ADAMTSL4: variants seen among roughly 807,000 people sequenced by gnomAD.
ADAMTSL4 encodes the protein ADAMTS like 4, also known as ADAMTS-like protein 4.
ADAMTSL4 carries 97 observed loss-of-function variants against 122.8 expected under a neutral mutation model. That is an observed-to-expected ratio of 0.79 (90% CI 0.67 to 0.93). ADAMTSL4 has a LOEUF of 0.93. Ranked by LOEUF, ADAMTSL4 falls within the 40% of genes least tolerant of loss-of-function variation. The pLI, the probability that ADAMTSL4 is intolerant of heterozygous loss-of-function variation, is 0.00. For missense variants in ADAMTSL4, 1,408 were observed against 1,453.5 expected (o/e 0.97, Z 0.51); for synonymous variants, 592 against 568.0 (o/e 1.04, Z -0.60).
chr1:150,555,601 G>GCCCC, intron 8 of ADAMTSL4, 36 bp downstream of exon 8: 1 of 1,565,018 alleles, frequency 6.4e-7, no homozygotes, highest in Non-Finnish European at 8.6e-7. Flanking sequence ...ACACACACAT[G>GCCCC]CATATGCACA....
Position 150,552,728 on chromosome 1 carries a change from C to A in ADAMTSL4, c.78+128C>A. On this transcript the variant is annotated intron_variant, in intron 4 of 18. Coordinates refer to ENST00000271643, the MANE Select transcript of ADAMTSL4 (RefSeq NM_019032.6). This position sits in a 1 kb window ranked among gnomAD's most constrained non-coding sequence, Gnocchi z 4.0. ...CCCACCCACCTCCCCTGCCAACTCC[C>A]CAGTTCCTTGCCTCATAACACCAAG... 1 of 1,356,194 alleles carries A rather than the reference C, an allele frequency of 7.4e-7. No homozygotes were observed. Among genetic ancestry groups the A allele is most frequent in the East Asian group, 2.5e-5 (1 of 40,560 alleles). 84.0% of individuals were successfully genotyped at this position (1,356,194 alleles called of 1,614,324 possible).
Position 150,556,168 on chromosome 1 carries a change from G to T in ADAMTSL4, c.1378G>T (p.Gly460Cys), listed in dbSNP as rs587749107. 1 of 1,614,056 alleles carries T rather than the reference G, an allele frequency of 6.2e-7. No individual in the cohort carries two copies. The highest frequency in any genetic ancestry group is 1.7e-5 in the Admixed American group (1 of 60,026). ...CTCACCTCACTCTCTCCAGAGCCCC[G>T]GCTGTGATGGGATCCTTGGCTCTGG... Reference protein sequence around the residue: ...ICVAGRCLSPGCDGILGSGRR... With the variant: ...ICVAGRCLSPCCDGILGSGRR... Residue 460 changes from glycine to cysteine, a missense_variant, in exon 9 of 19, where the codon GGC (glycine) becomes TGC (cysteine). Transcript: ENST00000271643. This position sits in a 1 kb window ranked among gnomAD's most constrained non-coding sequence, Gnocchi z 4.1.
chr1:150,553,101 C>T lies in ADAMTSL4; in HGVS notation c.282C>T (p.Ala94=). The T allele has an allele frequency of 6.2e-7, 1 of 1,613,402 alleles. No individual in the cohort carries two copies. Among genetic ancestry groups the T allele is most frequent in the Non-Finnish European group, 8.5e-7 (1 of 1,179,832 alleles). The change falls in exon 5 of 19, where the codon GCC becomes GCT. Residue 94 remains alanine, a synonymous_variant. Coordinates refer to ENST00000271643, the MANE Select transcript of ADAMTSL4 (RefSeq NM_019032.6). ...CCCGGCCCCCAAGACATCCAGAAGC[C>T]CTCCTCCCCCGGGGCCAGGGTCCCA... is the stretch of plus-strand genomic sequence containing the variant. ...LPPRPPRHPE[A]LLPRGQGPRP... is the part of the protein sequence containing the mutation.
Position 150,560,002 on chromosome 1 carries a change from TC to T in ADAMTSL4, c.3089-55del, listed in dbSNP as rs987994379. 6 of 1,613,770 alleles carry T rather than the reference TC, an allele frequency of 3.7e-6. No individual in the cohort carries two copies. In the African/African-American group the frequency reaches 6.7e-5, roughly 18 times the overall value. On this transcript the variant is annotated intron_variant, in intron 18 of 18. Transcript: ENST00000271643. ...CAGTGGGAATGGGCAGCACACCCAT[TC>T]CCAGACGGGTGGGTCCTGGTGACTC...
intron 2 of ADAMTSL4, chr1:150,550,714 T>C (rs913011832): frequency 2.2e-5 from 10 of 456,256 alleles, no homozygotes; most frequent in East Asian, 1.4e-4. Flanking sequence ...GTGGAGTTGC[T>C]GACCTTAGTG....
Position 150,549,648 on chromosome 1 carries a change from A to G in ADAMTSL4, c.-159+149A>G, listed in dbSNP as rs1210239172. 6.6e-6 allele frequency: 1 copy of G among 152,344 alleles called. No individual in the cohort carries two copies. The allele number at this position is 152,344 out of a possible 1,614,324, so 9.4% of individuals were successfully genotyped here. A position where few individuals can be genotyped will look rare whatever the true frequency, so the allele number is the denominator to read the frequency against. On this transcript the variant is annotated intron_variant, in intron 1 of 18. Transcript: ENST00000271643. This position sits in a 1 kb window ranked among gnomAD's most constrained non-coding sequence, Gnocchi z 5.0. ...CCGGACCCAGCTCCGGTGGCCTCGG[A>G]CAATCTTCCAGCCCCTGGGGTCGAA...
rs746961015 is a variant in ADAMTSL4 at position 150,556,311 on chromosome 1, A to G, written c.1521A>G (p.Pro507=). 2 of 1,614,110 alleles carry G rather than the reference A, an allele frequency of 1.2e-6. No individual in the cohort carries two copies. The highest frequency in any genetic ancestry group is 2.2e-5 in the South Asian group (2 of 91,084). The change falls in exon 9 of 19, where the codon CCA becomes CCG. Residue 507 remains proline (P), a synonymous_variant. Transcript: ENST00000271643. The surrounding 1 kb of genome is among the most constrained non-coding windows in gnomAD (Gnocchi z 4.1). ...PLGYQKILWI[P]AGALRLQIAQ... is the part of the protein sequence containing the mutation. The stretch of plus-strand genomic sequence containing the variant: ...GCTATCAGAAGATCTTGTGGATTCC[A>G]GCGGGAGCCTTGCGGCTCCAGATTG...
chr1:150,558,183 G>A, intron 14 of ADAMTSL4, 34 bp downstream of exon 14: 1 of 1,612,556 alleles, frequency 6.2e-7, no homozygotes, highest in Non-Finnish European at 8.5e-7. Flanking sequence ...TGCTGGGGAG[G>A]GGAATGGGCA....
rs1445747442 is a variant in ADAMTSL4 at position 150,554,667 on chromosome 1, G to C, written c.1234+200G>C. On this transcript the variant is annotated intron_variant, in intron 7 of 18. Transcript: ENST00000271643. The surrounding 1 kb of genome is among the most constrained non-coding windows in gnomAD (Gnocchi z 4.0). ...GTCTGCAGAAGGGTCGGGGTGGGAG[G>C]AGGAGGTGTGGGAGACACGCTTTGT... 1 of 1,536,328 alleles carries C rather than the reference G, an allele frequency of 6.5e-7. No homozygotes were observed. The highest frequency in any genetic ancestry group is 8.7e-7 in the Non-Finnish European group (1 of 1,146,170).
rs111260629 is a variant in ADAMTSL4 at position 150,554,648 on chromosome 1, A to C, written c.1234+181A>C. The C allele has an allele frequency of 8.5e-4, 1,304 of 1,539,878 alleles. 8 individuals carry two copies. The African/African-American group carries it at 0.014, about 17-fold the overall frequency. On this transcript the variant is annotated intron_variant, in intron 7 of 18. Transcript: ENST00000271643. This position sits in a 1 kb window ranked among gnomAD's most constrained non-coding sequence, Gnocchi z 4.0. ...ACAGCACAGGTGGTGAGTGGTCTGC[A>C]GAAGGGTCGGGGTGGGAGGAGGAGG...
Position 150,556,725 on chromosome 1 carries a change from C to T in ADAMTSL4, c.1681C>T (p.Pro561Ser). The stretch of plus-strand genomic sequence containing the variant: ...GACCGTCTTTCGATATAACCGTCCT[C>T]CCAGGGAGGAGGGCAAAGGGGAGAG... ...GGTVFRYNRPPREEGKGESLS... is the reference protein window; with the variant it reads ...GGTVFRYNRPSREEGKGESLS... The change falls in exon 10 of 19, where the codon CCC (proline) becomes TCC (serine). Residue 561 changes from proline to serine, a missense_variant. Physicochemically the swap from Pro to Ser is moderately conservative, Grantham distance 74. Transcript: ENST00000271643. The surrounding 1 kb of genome is among the most constrained non-coding windows in gnomAD (Gnocchi z 4.1). The T allele has an allele frequency of 1.2e-6, 2 of 1,613,994 alleles. No individual in the cohort carries two copies. Among genetic ancestry groups the T allele is most frequent in the South Asian group, 2.2e-5 (2 of 91,084 alleles).
At chr1:150,558,701 G>T in intron 15 of ADAMTSL4, 52 bp downstream of exon 15, 1 of 1,613,372 alleles carries the variant, frequency 6.2e-7, no homozygotes. Context: ...CCACGCCCAG[G>T]ACACCTCAGC....
chr1:150,554,764 T>A lies in ADAMTSL4; in HGVS notation c.1234+297T>A. 2 of 1,127,776 alleles carry A rather than the reference T, an allele frequency of 1.8e-6. No individual in the cohort carries two copies. The highest frequency in any genetic ancestry group is 2.5e-6 in the Non-Finnish European group (2 of 801,198). The allele number at this position is 1,127,776 out of a possible 1,614,324, so 69.9% of individuals were successfully genotyped here. On this transcript the variant is annotated intron_variant, in intron 7 of 18. Transcript: ENST00000271643. This position sits in a 1 kb window ranked among gnomAD's most constrained non-coding sequence, Gnocchi z 4.0. ...CACAAGAGGGCCATGGTGGGAGAGA[T>A]CCTGTCCAGCCGTGACAGCCAGGTG...
rs756581650 is a variant in ADAMTSL4, at chr1:150,559,101, T to G, written c.2699T>G (p.Met900Arg). Residue 900 changes from methionine (M) to arginine (R), a missense_variant, in exon 16 of 19, where the codon ATG (methionine) becomes AGG (arginine). Coordinates refer to ENST00000271643, the MANE Select transcript of ADAMTSL4 (RefSeq NM_019032.6). The surrounding 1 kb of genome is among the most constrained non-coding windows in gnomAD (Gnocchi z 4.1). ...CCAACAGGAAGCCGGCCCCCTGACA[T>G]GCGCGCCTGCAGCCTGGGGCCCTGT... ...SCPTGSRPPD[M>R]RACSLGPCER... 7.4e-6 allele frequency: 12 copies of G among 1,612,880 alleles called. No homozygotes were observed. The highest frequency in any genetic ancestry group is 1.7e-5 in the Admixed American group (1 of 59,978).
Position 150,557,505 on chromosome 1 carries a change from C to T in ADAMTSL4, c.2059C>T (p.Pro687Ser). 1 of 1,613,112 alleles carries T rather than the reference C, an allele frequency of 6.2e-7. No individual in the cohort carries two copies. Among genetic ancestry groups the T allele is most frequent in the Non-Finnish European group, 8.5e-7 (1 of 1,179,924 alleles). ...TCTCACCCACTCAGGTGTCTGGCGCCCCATTTTCCTCTGCATCTCCCGTGA... is the reference window on the plus strand; with the variant it reads ...TCTCACCCACTCAGGTGTCTGGCGCTCCATTTTCCTCTGCATCTCCCGTGA... ...SASCGKGVWR[P>S]IFLCISRESG... is the part of the protein sequence containing the mutation. The change falls in exon 13 of 19, where the codon CCC becomes TCC. Residue 687 changes from proline to serine, a missense_variant. Pro to Ser is a moderately conservative substitution (Grantham distance 74). Transcript: ENST00000271643.
chr1:150,554,810 G>C lies in ADAMTSL4; in HGVS notation c.1234+343G>C, dbSNP rs918728515. On this transcript the variant is annotated intron_variant, in intron 7 of 18. Coordinates refer to ENST00000271643, the MANE Select transcript of ADAMTSL4 (RefSeq NM_019032.6). This position sits in a 1 kb window ranked among gnomAD's most constrained non-coding sequence, Gnocchi z 4.0. ...AGGTGGGGGTGTGCCACGCATCCTG[G>C]GCACTGTCGTATCGGTTGCTCCCAG... 5.6e-6 allele frequency: 4 copies of C among 713,236 alleles called. No homozygotes were observed. Among genetic ancestry groups the C allele is most frequent in the Non-Finnish European group, 6.9e-6 (3 of 437,608 alleles). 44.2% of individuals were successfully genotyped at this position (713,236 alleles called of 1,614,324 possible). A position where few individuals can be genotyped will look rare whatever the true frequency, so the allele number is the denominator to read the frequency against.
chr1:150,558,028 T>C lies in ADAMTSL4; in HGVS notation c.2261T>C (p.Phe754Ser), dbSNP rs1672375571. 1 of 1,612,666 alleles carries C rather than the reference T, an allele frequency of 6.2e-7. No homozygotes were observed. The change falls in exon 14 of 19, where the codon TTT (phenylalanine) becomes TCT (serine). Residue 754 changes from phenylalanine (F) to serine (S), a missense_variant. Coordinates refer to ENST00000271643, the MANE Select transcript of ADAMTSL4 (RefSeq NM_019032.6). ...CGCCAGCTGCAGTGCCGGCAGGAAT[T>C]TGGGGGGGGTGGCTCCTCGGTGCCC... is the stretch of plus-strand genomic sequence containing the variant. ...QHRQLQCRQE[F>S]GGGGSSVPPE...
At position 150,554,376 on chromosome 1, in the gene ADAMTSL4, T is replaced by C. The variant is rs1349894068; in HGVS notation, c.1143T>C (p.Pro381=). 6.2e-7 allele frequency: 1 copy of C among 1,613,206 alleles called. No homozygotes were observed. Among genetic ancestry groups the C allele is most frequent in the Admixed American group, 1.7e-5 (1 of 60,014 alleles). Residue 381 remains proline (P), a synonymous_variant, in exon 7 of 19, where the codon CCT becomes CCC. Coordinates refer to ENST00000271643, the MANE Select transcript of ADAMTSL4 (RefSeq NM_019032.6). The surrounding 1 kb of genome is among the most constrained non-coding windows in gnomAD (Gnocchi z 4.0). ...LRACSQAPCP[P]EQPDPRALQC... ...ACCCCTCACCGCAGCCCTGCCCCCC[T>C]GAGCAGCCAGACCCCCGGGCCCTGC...
intron 2 of ADAMTSL4, chr1:150,550,516 TCGGTGGCAGAGAGAAGCAGAGG>T (rs2101530869): frequency 2.7e-6 from 1 of 368,854 alleles, no homozygotes; most frequent in South Asian, 2.0e-5. Flanking sequence ...AGAAGAGATC[TCGGTGGCAGAGAGAAGCAGAGG>T]CAGAGAGGGC....
Sources: allele counts gnomAD v4.1 joint callset, GRCh38; gene constraint gnomAD v4.1.1; non-coding constraint Gnocchi (gnomAD v3.1); transcripts MANE v1.5; gene names NCBI Gene and HGNC (gene_info 2026-07-23, HGNC 2026-07-21).